The following MIR2052HG variants were observed in gnomAD, a reference collection of about 807,000 sequenced individuals.
The protein encoded by MIR2052HG is MIR2052 host gene.
At chr8:74,732,528 C>A (rs1423078134) in intron 4 of MIR2052HG, among the ~76,000 whole-genome samples, 1 of 152,128 alleles carries the variant, frequency 6.6e-6, no homozygotes, top group Non-Finnish European at 1.5e-5. Flanking sequence ...ACATTCCTAT[C>A]CTTACAGAGC....
intron 2 of MIR2052HG, among the ~76,000 whole-genome samples, chr8:74,657,271 C>T (rs928415853): frequency 6.6e-6 from 1 of 152,202 alleles, no homozygotes; most frequent in African/African-American, 2.4e-5. Flanking sequence ...CAGCACCAGT[C>T]TGGGGAGTGA....
At chr8:74,652,524 A>G (rs1808763923) in intron 2 of MIR2052HG, among the ~76,000 whole-genome samples, 2 of 152,178 alleles carry the variant, frequency 1.3e-5, no homozygotes, top group South Asian at 2.1e-4. Context: ...TGTTTTTAGC[A>G]TAGTGTATAT....
intron 2 of MIR2052HG, among the ~76,000 whole-genome samples, chr8:74,623,484 C>A (rs117007716): frequency 2.6e-5 from 4 of 152,022 alleles, no homozygotes; most frequent in African/African-American, 9.7e-5. Context: ...GCAGGAACGT[C>A]AACTGTTCAG....
chr8:74,665,382 G>C (rs985087051), intron 2 of MIR2052HG, among the ~76,000 whole-genome samples: 3 of 152,102 alleles, frequency 2.0e-5, no homozygotes, highest in African/African-American at 2.4e-5. Flanking sequence ...AACCTTGCTG[G>C]CTCCATGTAT....
At chr8:74,694,595 A>T (rs1809276849) in intron 2 of MIR2052HG, among the ~76,000 whole-genome samples, 1 of 152,244 alleles carries the variant, frequency 6.6e-6, no homozygotes, top group Non-Finnish European at 1.5e-5. Flanking sequence ...AAAAAATGTT[A>T]CAGGATATGG....
intron 2 of MIR2052HG, among the ~76,000 whole-genome samples, chr8:74,668,238 TAC>T (rs1808952942): frequency 6.6e-6 from 1 of 151,212 alleles, no homozygotes; most frequent in Admixed American, 6.6e-5. Flanking sequence ...TTATTTCTAT[TAC>T]AAAAAAAAAA....
At chr8:74,617,489 A>G (rs1260290777) in intron 2 of MIR2052HG, among the ~76,000 whole-genome samples, 7 of 150,996 alleles carry the variant, frequency 4.6e-5, no homozygotes, top group Admixed American at 1.3e-4. Flanking sequence ...GTGTGTGTGT[A>G]TACATACATA....
Position 74,617,781 on chromosome 8 carries a change from A to G in MIR2052HG, n.216+4841A>G, listed in dbSNP as rs560711014. 1.7e-4 allele frequency among the ~76,000 whole-genome samples: 26 copies of G among 152,322 alleles called. No individual in the cohort carries two copies. In the East Asian group the frequency reaches 1.7e-3, roughly 10 times the overall value. ...TATTTTTAGTTCTTTGAAAATCTCC[A>G]TAGTGTTCCACAGAGGTTGTACTAG... On this transcript the variant is annotated intron_variant and non_coding_transcript_variant, in intron 2 of 6. Coordinates refer to ENST00000523442, the Ensembl canonical transcript of MIR2052HG.
chr8:74,721,740 C>T (rs1410271909), intron 4 of MIR2052HG, among the ~76,000 whole-genome samples: 2 of 152,230 alleles, frequency 1.3e-5, no homozygotes, highest in East Asian at 3.9e-4. Context: ...TTGATCAGAG[C>T]AAGTCACAAA....
intron 2 of MIR2052HG, among the ~76,000 whole-genome samples, chr8:74,663,064 T>C (rs1161132573): frequency 6.6e-6 from 1 of 152,134 alleles, no homozygotes; most frequent in African/African-American, 2.4e-5. Flanking sequence ...AAATAAACTA[T>C]AAAATAAGAT....
intron 5 of MIR2052HG, among the ~76,000 whole-genome samples, chr8:74,754,675 G>A (rs1809981547): frequency 6.6e-6 from 1 of 152,114 alleles, no homozygotes; most frequent in Non-Finnish European, 1.5e-5. Context: ...GCGAGAAAGA[G>A]AACTGTGGGT....
At chr8:74,748,738 C>T (rs1200728006) in intron 4 of MIR2052HG, among the ~76,000 whole-genome samples, 1 of 152,128 alleles carries the variant, frequency 6.6e-6, no homozygotes, top group Non-Finnish European at 1.5e-5. Flanking sequence ...TGGCTACTCC[C>T]AATTTCAGGG....
intron 5 of MIR2052HG, chr8:74,757,075 G>T (rs575203864): frequency 6.6e-6 from 1 of 152,376 alleles, no homozygotes; most frequent in East Asian, 1.9e-4. Flanking sequence ...CATGGATGTG[G>T]AGGACTCTGT....
At chr8:74,613,499 A>T (rs1037400164) in intron 2 of MIR2052HG, among the ~76,000 whole-genome samples, 3 of 151,654 alleles carry the variant, frequency 2.0e-5, no homozygotes, top group Non-Finnish European at 4.4e-5. Context: ...TTTTTTTTTC[A>T]CCCGAGACAG....
intron 4 of MIR2052HG, among the ~76,000 whole-genome samples, chr8:74,738,872 C>T (rs778762246): frequency 6.6e-6 from 1 of 152,200 alleles, no homozygotes; most frequent in Non-Finnish European, 1.5e-5. Flanking sequence ...CGCATTCAGT[C>T]TGCCTCTGAT....
intron 4 of MIR2052HG, among the ~76,000 whole-genome samples, chr8:74,721,944 G>A (rs1186905291): frequency 1.3e-5 from 2 of 152,232 alleles, no homozygotes; most frequent in African/African-American, 4.8e-5. Flanking sequence ...TCAAATCCCA[G>A]CACTTCAGGA....
chr8:74,618,329 C>T (rs1261061522), intron 2 of MIR2052HG, among the ~76,000 whole-genome samples: 1 of 152,136 alleles, frequency 6.6e-6, no homozygotes, highest in Non-Finnish European at 1.5e-5. Flanking sequence ...TAATTTTCTC[C>T]TCCTATCAGA....
At chr8:74,616,775 G>A (rs947048599) in intron 2 of MIR2052HG, among the ~76,000 whole-genome samples, 13 of 151,838 alleles carry the variant, frequency 8.6e-5, no homozygotes. Context: ...TCAGGCTTTT[G>A]ACCCATCACA....
At chr8:74,603,460 T>C in intron 1 of MIR2052HG, 2 of 1,606,060 alleles carry the variant, frequency 1.2e-6, no homozygotes, top group Admixed American at 1.7e-5. Context: ...CTCATTTATT[T>C]TGGCGCCTTG....
Sources: gnomAD v4.1 joint callset for allele counts (sites outside exome capture counted in the v4.1 genomes callset) on GRCh38, gnomAD v4.1.1 for gene constraint, MANE v1.5 for transcripts, NCBI Gene and HGNC (gene_info 2026-07-23, HGNC 2026-07-21) for gene names.